The following DACH2 variants were observed in gnomAD, a reference collection of about 807,000 sequenced individuals.
DACH2 encodes the protein dachshund family transcription factor 2, also known as dachshund homolog 2.
In DACH2, 17 loss-of-function variants were observed where a neutral mutation model predicts 35.8. The observed-to-expected ratio is 0.48, with a 90% confidence interval of 0.33 to 0.71. The LOEUF is 0.71. Ranked by LOEUF, DACH2 falls within the 30% of genes least tolerant of loss-of-function variation. The pLI is 0.02. For synonymous variants in DACH2, 195 were observed against 177.3 expected, an observed-to-expected ratio of 1.10 and a Z score of -0.79; for missense variants, 469 against 472.7, an observed-to-expected ratio of 0.99 and a Z score of 0.07.
chrX:86,481,330 G>C (rs1327828005), intron 2 of DACH2, among the ~76,000 whole-genome samples: 1 of 111,722 alleles, frequency 9.0e-6, no homozygotes, highest in African/African-American at 3.3e-5. Context: ...CTAATCCATT[G>C]ACTTGTAAAT....
In DACH2 at chrX:86,281,135, A is replaced by G. The variant is rs7062038; in HGVS notation, c.489-95689A>G. 9.0e-3 allele frequency among the ~76,000 whole-genome samples: 1,010 copies of G among 111,658 alleles called. 11 individuals are homozygous for G. The highest frequency in any genetic ancestry group is 0.031 in the African/African-American group (943 of 30,695). The stretch of plus-strand genomic sequence containing the variant: ...CTACAGAACTCTCCACCCCAAATCA[A>G]CAGAATATACATTCTTCTCAGCACC... On this transcript the variant is annotated intron_variant, in intron 1 of 11. Coordinates refer to ENST00000373125, the MANE Select transcript of DACH2 (RefSeq NM_053281.3).
chrX:86,322,469 C>T (rs2035033756), intron 1 of DACH2, among the ~76,000 whole-genome samples: 1 of 111,268 alleles, frequency 9.0e-6, no homozygotes, highest in Non-Finnish European at 1.9e-5. Context: ...GACGGTTCTC[C>T]CTCCTTGGTC....
At chrX:86,278,267 G>T (rs753674753) in intron 1 of DACH2, among the ~76,000 whole-genome samples, 7 of 111,914 alleles carry the variant, frequency 6.3e-5, no homozygotes, top group Non-Finnish European at 1.1e-4. Context: ...GACAACTCCC[G>T]AGTACACATC....
At chrX:86,293,547 G>T (rs373027536) in intron 1 of DACH2, among the ~76,000 whole-genome samples, 24 of 110,056 alleles carry the variant, frequency 2.2e-4, no homozygotes, top group African/African-American at 4.0e-4. Context: ...GGCATGATTT[G>T]GCAGCGGCTG....
intron 3 of DACH2, among the ~76,000 whole-genome samples, chrX:86,617,650 A>C (rs1185278168): frequency 9.0e-6 from 1 of 111,725 alleles, no homozygotes; most frequent in Non-Finnish European, 1.9e-5. Context: ...AAGCATGCAT[A>C]TGTTGACAAA....
chrX:86,823,811 A>T (rs2042536885), intron 11 of DACH2, among the ~76,000 whole-genome samples: 1 of 110,837 alleles, frequency 9.0e-6, no homozygotes, highest in South Asian at 3.9e-4. Context: ...TTTATTAAGG[A>T]TTTCAAAAGG....
intron 2 of DACH2, among the ~76,000 whole-genome samples, chrX:86,465,369 A>G (rs2037648052): frequency 8.9e-6 from 1 of 112,060 alleles, no homozygotes; most frequent in Non-Finnish European, 1.9e-5. Flanking sequence ...TATCATGTTT[A>G]GATACTTGAA....
chrX:86,382,550 A>G (rs895188574), intron 2 of DACH2, among the ~76,000 whole-genome samples: 1 of 110,125 alleles, frequency 9.1e-6, no homozygotes, highest in Non-Finnish European at 1.9e-5. Flanking sequence ...AATGACTTTT[A>G]AAAAGAAAAC....
intron 1 of DACH2, among the ~76,000 whole-genome samples, chrX:86,174,454 T>C (rs1165631735): frequency 9.1e-6 from 1 of 110,461 alleles, no homozygotes; most frequent in Non-Finnish European, 1.9e-5. Context: ...CTATGTAGAT[T>C]GTAATATTCT....
intron 7 of DACH2, among the ~76,000 whole-genome samples, chrX:86,744,199 T>C (rs2041686786): frequency 9.0e-6 from 1 of 111,353 alleles, no homozygotes; most frequent in Non-Finnish European, 1.9e-5. Flanking sequence ...AATGGTAGAA[T>C]ATTACTTGTT....
intron 7 of DACH2, among the ~76,000 whole-genome samples, chrX:86,757,468 A>G (rs919089591): frequency 8.9e-6 from 1 of 112,250 alleles, no homozygotes; most frequent in Non-Finnish European, 1.9e-5. Context: ...GGAAAGTTTT[A>G]TAGAATTCAG....
At chrX:86,173,850 T>C (rs1202677188) in intron 1 of DACH2, among the ~76,000 whole-genome samples, 2 of 112,090 alleles carry the variant, frequency 1.8e-5, no homozygotes, top group African/African-American at 6.5e-5. Flanking sequence ...CAGGATGCTA[T>C]TGCAGTGAAC....
intron 5 of DACH2, among the ~76,000 whole-genome samples, chrX:86,697,583 T>TA (rs1177720257): frequency 9.1e-6 from 1 of 109,903 alleles, no homozygotes; most frequent in Non-Finnish European, 1.9e-5. Context: ...ACTGAGAACT[T>TA]AAAAAAACAA....
chrX:86,463,296 G>A (rs868432355), intron 2 of DACH2, among the ~76,000 whole-genome samples: 3 of 73,697 alleles, frequency 4.1e-5, no homozygotes, highest in African/African-American at 7.7e-5. Context: ...TCTAGTAGGA[G>A]AAATAATTCA....
chrX:86,789,152 A>G (rs1265641798), intron 7 of DACH2, among the ~76,000 whole-genome samples: 1 of 112,223 alleles, frequency 8.9e-6, no homozygotes, highest in Non-Finnish European at 1.9e-5. Flanking sequence ...TAAGAATAAA[A>G]GTTGTGATTT....
chrX:86,241,917 C>A (rs759578789), intron 1 of DACH2, among the ~76,000 whole-genome samples: 4 of 112,597 alleles, frequency 3.6e-5, no homozygotes, highest in African/African-American at 1.3e-4. Flanking sequence ...CCTGCAGGAG[C>A]ACAGAAGGCA....
At chrX:86,820,208 G>A (rs749381774) in intron 11 of DACH2, among the ~76,000 whole-genome samples, 1 of 111,740 alleles carries the variant, frequency 8.9e-6, no homozygotes, top group East Asian at 2.8e-4. Flanking sequence ...CACAAAATGA[G>A]TAACTGTGTT....
chrX:86,343,830 G>T (rs762566481), intron 1 of DACH2, among the ~76,000 whole-genome samples: 1 of 111,019 alleles, frequency 9.0e-6, no homozygotes, highest in Non-Finnish European at 1.9e-5. Flanking sequence ...TTTCATAGAG[G>T]ACACATAGTG....
intron 1 of DACH2, among the ~76,000 whole-genome samples, chrX:86,293,172 A>C (rs1466048542): frequency 4.8e-5 from 5 of 104,464 alleles, no homozygotes; most frequent in African/African-American, 1.8e-4. Flanking sequence ...TCCCTTTACC[A>C]TTATGTAATG....
Sources: gnomAD v4.1 joint callset for allele counts (sites outside exome capture counted in the v4.1 genomes callset) on GRCh38, gnomAD v4.1.1 for gene constraint, MANE v1.5 for transcripts, NCBI Gene and HGNC (gene_info 2026-07-23, HGNC 2026-07-21) for gene names.